The following RANBP2 variants were observed in gnomAD, a reference collection of about 807,000 sequenced individuals.
RANBP2 encodes E3 SUMO-protein ligase RanBP2.
RANBP2 carries 57 observed loss-of-function variants against 303.6 expected under a neutral mutation model. That is an observed-to-expected ratio of 0.19 (90% CI 0.15 to 0.23). RANBP2 has a LOEUF of 0.23. Among genes scored for constraint, RANBP2 ranks in the 10% least tolerant of loss-of-function variants. The pLI, the probability that RANBP2 is intolerant of heterozygous loss-of-function variation, is 1.00. For synonymous variants in RANBP2, 1,167 were observed against 1,301.5 expected, an observed-to-expected ratio of 0.90 and a Z score of 2.23; for missense variants, 3,138 against 3,780.8, an observed-to-expected ratio of 0.83 and a Z score of 4.46.
At chr2:109,721,347 A>T in the RANBP2 span, among the ~76,000 whole-genome samples, 1 of 152,212 alleles carries the variant, frequency 6.6e-6, no homozygotes, top group Non-Finnish European at 1.5e-5. Context: ...GGCTGATGGA[A>T]CACAGGACGT....
the RANBP2 span, among the ~76,000 whole-genome samples, chr2:109,384,825 C>T: frequency 6.6e-6 from 1 of 152,188 alleles, no homozygotes; most frequent in African/African-American, 2.4e-5. Flanking sequence ...CAGAAGGCCT[C>T]AGGGTAACTC....
the RANBP2 span, among the ~76,000 whole-genome samples, chr2:109,242,507 C>A: frequency 6.6e-6 from 1 of 152,180 alleles, no homozygotes. Context: ...TGATTGGCCA[C>A]TGGAGAAGCG....
chr2:109,218,405 C>T, the RANBP2 span, among the ~76,000 whole-genome samples: 1 of 152,136 alleles, frequency 6.6e-6, no homozygotes, highest in Non-Finnish European at 1.5e-5. Flanking sequence ...TAGAAACAGT[C>T]TTTGAGTGAA....
At chr2:109,262,080 C>T in the RANBP2 span, among the ~76,000 whole-genome samples, 1 of 152,192 alleles carries the variant, frequency 6.6e-6, no homozygotes, top group Non-Finnish European at 1.5e-5. Context: ...TGCCAGCAAG[C>T]ATGAGCAAGC....
At chr2:109,129,700 C>T in the RANBP2 span, 3 of 1,534,122 alleles carry the variant, frequency 2.0e-6, no homozygotes, top group East Asian at 2.5e-5. Flanking sequence ...GCTGCTGGAC[C>T]TGCTGGAGTG....
the RANBP2 span, among the ~76,000 whole-genome samples, chr2:109,304,995 C>A: frequency 2.0e-5 from 3 of 152,122 alleles, no homozygotes; most frequent in Non-Finnish European, 4.4e-5. Flanking sequence ...GTGTTGAGTG[C>A]CTCATTTGTC....
the RANBP2 span, chr2:109,667,813 G>A: frequency 0.097 from 18,127 of 187,130 alleles, 1,337 homozygotes; most frequent in Admixed American, 0.23. Flanking sequence ...AGTACAGTGT[G>A]CAGTCAGAGG....
the RANBP2 span, among the ~76,000 whole-genome samples, chr2:109,360,753 T>C: frequency 1.3e-5 from 2 of 152,234 alleles, no homozygotes; most frequent in African/African-American, 4.8e-5. Context: ...GATGATCATG[T>C]CATCTGTAAA....
At chr2:109,093,812 C>T in the RANBP2 span, among the ~76,000 whole-genome samples, 1 of 152,104 alleles carries the variant, frequency 6.6e-6, no homozygotes, top group Non-Finnish European at 1.5e-5. Context: ...TCTTGATGCC[C>T]ATATGAGAAA....
At chr2:108,738,226 C>T (rs925998995) in intron 6 of RANBP2, among the ~76,000 whole-genome samples, 1 of 151,572 alleles carries the variant, frequency 6.6e-6, no homozygotes, top group Non-Finnish European at 1.5e-5. Flanking sequence ...CAGGTGCCCG[C>T]CACCACACCC....
At chr2:108,746,217 T>C (rs1013828459) in intron 7 of RANBP2, among the ~76,000 whole-genome samples, 16 of 142,864 alleles carry the variant, frequency 1.1e-4, no homozygotes, top group Non-Finnish European at 2.3e-4. Flanking sequence ...CCTTTTTTTT[T>C]TTTTTTTTTT....
chr2:108,966,782 C>A, the RANBP2 span, among the ~76,000 whole-genome samples: 3 of 152,324 alleles, frequency 2.0e-5, no homozygotes, highest in African/African-American at 4.8e-5. Context: ...TGGAAGGGAG[C>A]ACAGTGGAGG....
At chr2:108,925,196 C>T in the RANBP2 span, among the ~76,000 whole-genome samples, 2 of 151,900 alleles carry the variant, frequency 1.3e-5, no homozygotes, top group East Asian at 1.9e-4. Context: ...CGTCTCTATT[C>T]CTTGGACCTT....
chr2:109,060,336 G>A, the RANBP2 span, among the ~76,000 whole-genome samples: 1 of 152,182 alleles, frequency 6.6e-6, no homozygotes, highest in Non-Finnish European at 1.5e-5. Context: ...GGAGTCCTTT[G>A]TCTGCTCCAG....
intron 21 of RANBP2, 79 bp downstream of exon 21, chr2:108,771,950 G>A: frequency 6.4e-7 from 1 of 1,555,782 alleles, no homozygotes; most frequent in Non-Finnish European, 8.8e-7. Context: ...ATTATTTTAA[G>A]CCTGCCTCTT....
At chr2:108,949,806 A>G in the RANBP2 span, among the ~76,000 whole-genome samples, 1 of 152,228 alleles carries the variant, frequency 6.6e-6, no homozygotes, top group East Asian at 1.9e-4. Context: ...TATGTAGCCA[A>G]TGATTTATCA....
the RANBP2 span, among the ~76,000 whole-genome samples, chr2:109,163,235 G>A: frequency 6.6e-6 from 1 of 152,150 alleles, no homozygotes; most frequent in Non-Finnish European, 1.5e-5. Flanking sequence ...ACTATTTTTG[G>A]TGTGTGGTGT....
the RANBP2 span, among the ~76,000 whole-genome samples, chr2:108,818,566 A>C: frequency 5.3e-5 from 8 of 152,172 alleles, no homozygotes; most frequent in Non-Finnish European, 1.2e-4. Context: ...TTTTAAATAT[A>C]ATAATAGAAG....
the RANBP2 span, among the ~76,000 whole-genome samples, chr2:109,659,378 AAC>A: frequency 6.6e-6 from 1 of 152,186 alleles, no homozygotes; most frequent in Non-Finnish European, 1.5e-5. Context: ...CCCCCCCAAA[AAC>A]ACACACAAAA....
Sources: gnomAD v4.1 joint callset for allele counts (sites outside exome capture counted in the v4.1 genomes callset) on GRCh38, gnomAD v4.1.1 for gene constraint, MANE v1.5 for transcripts, NCBI Gene and HGNC (gene_info 2026-07-23, HGNC 2026-07-21) for gene names.